The following EP300 variants were observed in gnomAD, a reference collection of about 807,000 sequenced individuals.
EP300 encodes histone acetyltransferase p300.
EP300 carries 31 observed loss-of-function variants against 264.0 expected under a neutral mutation model. The observed-to-expected ratio is 0.12, with a 90% CI of 0.09 to 0.16. The LOEUF (loss-of-function observed/expected upper bound fraction) is 0.16. Ranked by LOEUF, EP300 falls within the 10% of genes least tolerant of loss-of-function variation. The pLI is 1.00. For synonymous variants in EP300, 1,340 were observed against 1,045.4 expected, an observed-to-expected ratio of 1.28 and a Z score of -5.44; for missense variants, 2,766 against 3,052.9, an observed-to-expected ratio of 0.91 and a Z score of 2.21.
intron 22 of EP300, among the ~76,000 whole-genome samples, chr22:41,166,036 C>T (rs2059132202): frequency 6.6e-6 from 1 of 152,186 alleles, no homozygotes; most frequent in Admixed American, 6.5e-5. Context: ...CCACCCACCT[C>T]GACCTCCCAA....
rs1225633536 is a variant in EP300, at chr22:41,119,172, ATTATTTTTTTTTT to A, written c.729+1354_729+1366del. On this transcript the variant is annotated intron_variant, in intron 2 of 30. Transcript: ENST00000263253. Reference sequence around the variant, plus strand: ...CACATACCACCATGCCTGGCTTATTATTATTTTTTTTTTTTTTTTTTTTTTTTTTAAGAGATGG... The same window carrying A: ...CACATACCACCATGCCTGGCTTATTATTTTTTTTTTTTTTTTAAGAGATGG... Among the ~76,000 whole-genome samples, 14 of 107,218 alleles carry A rather than the reference ATTATTTTTTTTTT, an allele frequency of 1.3e-4. 3 individuals are homozygous for A. The South Asian group carries it at 2.7e-3, about 20-fold the overall frequency. 70.3% of individuals were successfully genotyped at this position (107,218 alleles called of 152,430 possible). A position where few individuals can be genotyped will look rare whatever the true frequency, so the allele number is the denominator to read the frequency against.
In EP300 at chr22:41,178,896, C is replaced by A; in HGVS notation, c.7185C>A (p.Leu2395=). ...LHGASATDLG[L]STDNSDLNSN... ...GTGCAAGCGCCACGGACCTGGGACT[C>A]AGCACCGATAACTCAGACTTGAATT... is the stretch of plus-strand genomic sequence containing the variant. The change falls in exon 31 of 31, where the codon CTC becomes CTA. Residue 2395 remains leucine, a synonymous_variant. Transcript: ENST00000263253. The A allele has an allele frequency of 6.2e-7, 1 of 1,614,220 alleles. No homozygotes were observed. The highest frequency in any genetic ancestry group is 8.5e-7 in the Non-Finnish European group (1 of 1,180,032).
chr22:41,169,581 C>A lies in EP300; in HGVS notation c.4251C>A (p.Ile1417=), dbSNP rs2145765258. The A allele has an allele frequency of 1.2e-6, 2 of 1,608,208 alleles. No homozygotes were observed. The highest frequency in any genetic ancestry group is 1.1e-5 in the South Asian group (1 of 90,940). ...TGAGGACTGCAGTCTATCATGAAAT[C>A]CTAATTGGATATTTAGAATATGTCA... is the stretch of plus-strand genomic sequence containing the variant. ...KCLRTAVYHE[I]LIGYLEYVKK... is the part of the protein sequence containing the mutation. Residue 1417 remains isoleucine (I), a synonymous_variant, in exon 26 of 31, where the codon ATC becomes ATA. Transcript: ENST00000263253.
chr22:41,095,721 G>T (rs1210060261), intron 1 of EP300, among the ~76,000 whole-genome samples: 1 of 151,962 alleles, frequency 6.6e-6, no homozygotes, highest in East Asian at 1.9e-4. Context: ...TATGGTTTTT[G>T]TCTAGAACTG....
In EP300 at chr22:41,178,603, C is replaced by T. The variant is rs2059218009; in HGVS notation, c.6892C>T (p.Gln2298Ter). ...CCAGTCCCCACACCTACAAGGCCAG[C>T]AGATCCCTAATTCTCTCTCCAATCA... ...QAQSPHLQGQ[Q>*]IPNSLSNQVR... Residue 2298 changes from glutamine (Q) to a stop codon, truncating the protein, a stop_gained, in exon 31 of 31, where the codon CAG (glutamine) becomes TAG (stop). Transcript: ENST00000263253. LOFTEE classifies it high-confidence loss of function. 6.2e-7 allele frequency: 1 copy of T among 1,614,102 alleles called. No individual in the cohort carries two copies. Among genetic ancestry groups the T allele is most frequent in the Non-Finnish European group, 8.5e-7 (1 of 1,180,020 alleles).
Position 41,117,519 on chromosome 22 carries a change from C to A in EP300, c.427C>A (p.Pro143Thr). ...SPNMGMGTSGPNQGPTQSTGM... is the reference protein window; with the variant it reads ...SPNMGMGTSGTNQGPTQSTGM... The stretch of plus-strand genomic sequence containing the variant: ...CAACATGGGGATGGGCACTAGTGGA[C>A]CAAATCAGGGTCCTACGCAGTCAAC... Residue 143 changes from proline (P) to threonine (T), a missense_variant, in exon 2 of 31, where the codon CCA becomes ACA. By Grantham distance (38) the Pro-to-Thr change is conservative (BLOSUM62 -1). Coordinates refer to ENST00000263253, the MANE Select transcript of EP300 (RefSeq NM_001429.4). 1 of 1,613,930 alleles carries A rather than the reference C, an allele frequency of 6.2e-7. No homozygotes were observed. The highest frequency in any genetic ancestry group is 1.1e-5 in the South Asian group (1 of 91,082).
At chr22:41,134,159 TTTTC>T (rs2058936225) in intron 6 of EP300, among the ~76,000 whole-genome samples, 1 of 121,836 alleles carries the variant, frequency 8.2e-6, no homozygotes, top group Admixed American at 1.1e-4. Flanking sequence ...GATTTCATTC[TTTTC>T]TTTTTTTTTT....
At position 41,178,113 on chromosome 22, in the gene EP300, T is replaced by G. The variant is rs773555512; in HGVS notation, c.6402T>G (p.Asn2134Lys). 6 of 1,613,928 alleles carry G rather than the reference T, an allele frequency of 3.7e-6. No homozygotes were observed. Among genetic ancestry groups the G allele is most frequent in the Non-Finnish European group, 5.1e-6 (6 of 1,179,952 alleles). ...CCAATCCAGCCATGCAGAACATGAA[T>G]CCAATGCAGGCGGGCGTTCAGAGGG... ...VHSNPAMQNM[N>K]PMQAGVQRAG... Residue 2134 changes from asparagine (N) to lysine (K), a missense_variant, in exon 31 of 31, where the codon AAT becomes AAG. By Grantham distance (94) the Asn-to-Lys change is moderately conservative (BLOSUM62 0). Coordinates refer to ENST00000263253, the MANE Select transcript of EP300 (RefSeq NM_001429.4).
intron 23 of EP300, among the ~76,000 whole-genome samples, chr22:41,167,819 T>G (rs867554978): frequency 7.9e-4 from 33 of 41,516 alleles, no homozygotes; most frequent in Admixed American, 4.1e-3. Context: ...TTTTTGTTTT[T>G]TTTTTTGTTT....
chr22:41,163,904 A>G lies in EP300; in HGVS notation c.3729-149A>G, dbSNP rs1012271301. On this transcript the variant is annotated intron_variant, in intron 21 of 30. Coordinates refer to ENST00000263253, the MANE Select transcript of EP300 (RefSeq NM_001429.4). ...CTCCAGCCTGTACAACAGAGACCCT[A>G]TCTCTAAAAAAATAGAAACTTTATT... is the stretch of plus-strand genomic sequence containing the variant. 1.8e-5 allele frequency: 14 copies of G among 760,094 alleles called. No individual in the cohort carries two copies. In the Admixed American group the frequency reaches 2.2e-4, roughly 12 times the overall value. The allele number at this position is 760,094 out of a possible 1,614,324, so 47.1% of individuals were successfully genotyped here.
At chr22:41,167,419 T>C (rs542592825) in intron 23 of EP300, among the ~76,000 whole-genome samples, 21 of 151,880 alleles carry the variant, frequency 1.4e-4, no homozygotes, top group Non-Finnish European at 2.8e-4. Context: ...AAATGTAGTA[T>C]TTGATTTAGT....
intron 2 of EP300, among the ~76,000 whole-genome samples, chr22:41,120,564 T>C (rs1269546671): frequency 6.6e-6 from 1 of 152,186 alleles, no homozygotes; most frequent in Non-Finnish European, 1.5e-5. Context: ...TGGATGAATC[T>C]GTGGTTCAGG....
chr22:41,179,036 ATCTT>A lies in EP300; in HGVS notation c.*83_*86del. ...TTTGTACTGAAAACAATTTTTTTGA[ATCTT>A]TCGTAGCCTAAAAGACAATTTTCCT... is the stretch of plus-strand genomic sequence containing the variant. On this transcript the variant is annotated 3_prime_UTR_variant, in exon 31 of 31. Transcript: ENST00000263253. 6.5e-7 allele frequency: 1 copy of A among 1,545,420 alleles called. No individual in the cohort carries two copies. The highest frequency in any genetic ancestry group is 8.8e-7 in the Non-Finnish European group (1 of 1,133,724).
chr22:41,150,292 C>A, intron 14 of EP300, 94 bp downstream of exon 14: 2 of 1,385,458 alleles, frequency 1.4e-6, no homozygotes, highest in Non-Finnish European at 2.0e-6. Flanking sequence ...TGCTTTATCT[C>A]TTACTGTTTT....
In EP300 at chr22:41,150,191, C is replaced by T. The variant is rs2145737962; in HGVS notation, c.2810C>T (p.Ala937Val). The T allele has an allele frequency of 1.2e-6, 2 of 1,606,002 alleles. No individual in the cohort carries two copies. Among genetic ancestry groups the T allele is most frequent in the Non-Finnish European group, 1.7e-6 (2 of 1,178,416 alleles). Residue 937 changes from alanine (A) to valine (V), a missense_variant, in exon 14 of 31, where the codon GCA (alanine) becomes GTA (valine). Coordinates refer to ENST00000263253, the MANE Select transcript of EP300 (RefSeq NM_001429.4). ...GCACCGCTGCTTCCTCCGCAGCCTG[C>T]AACTCCAGTAAGTAGAGATTTGGAT... Reference protein sequence around the residue: ...PTAPLLPPQPATPLSQPAVSI... With the variant: ...PTAPLLPPQPVTPLSQPAVSI...
chr22:41,141,685 CT>C lies in EP300; in HGVS notation c.2053+472del, dbSNP rs1241886217. Reference sequence around the variant, plus strand: ...GAACTCTTTTTTTTTTTTTCTTTTTCTTTTTTTTTGAGGCAGAGTCTCACTC... The same window carrying C: ...GAACTCTTTTTTTTTTTTTCTTTTTCTTTTTTTTGAGGCAGAGTCTCACTC... On this transcript the variant is annotated intron_variant, in intron 10 of 30. Transcript: ENST00000263253. Among the ~76,000 whole-genome samples, 298 of 131,342 alleles carry C rather than the reference CT, an allele frequency of 2.3e-3. 2 individuals carry two copies. The highest frequency in any genetic ancestry group is 3.1e-3 in the Non-Finnish European group (184 of 59,798). 86.2% of individuals were successfully genotyped at this position (131,342 alleles called of 152,430 possible). A position where few individuals can be genotyped will look rare whatever the true frequency, so the allele number is the denominator to read the frequency against.
chr22:41,137,856 T>G, intron 8 of EP300, 66 bp downstream of exon 8: 1 of 1,608,172 alleles, frequency 6.2e-7, no homozygotes, highest in Non-Finnish European at 8.5e-7. Context: ...TTCAATCTCC[T>G]GGGCATTTAA....
intron 10 of EP300, among the ~76,000 whole-genome samples, chr22:41,141,868 G>A (rs557900533): frequency 2.6e-5 from 4 of 152,032 alleles, no homozygotes; most frequent in African/African-American, 9.6e-5. Flanking sequence ...GTAGAGACAG[G>A]GTTTTGCCAT....
In EP300 at chr22:41,147,828, T is replaced by C. The variant is rs765267822; in HGVS notation, c.2132-9T>C. On this transcript the variant is annotated splice_polypyrimidine_tract_variant and intron_variant, in intron 11 of 30. Coordinates refer to ENST00000263253, the MANE Select transcript of EP300 (RefSeq NM_001429.4). ...GCATTCAGATCTAACATTTTGCTCA[T>C]ATTCACAGGTTTGAATCAATTTGGC... 2 of 1,597,446 alleles carry C rather than the reference T, an allele frequency of 1.3e-6. No homozygotes were observed. The highest frequency in any genetic ancestry group is 2.2e-5 in the South Asian group (2 of 90,756).
Sources: allele counts gnomAD v4.1 joint callset (sites outside exome capture counted in the v4.1 genomes callset), GRCh38; gene constraint gnomAD v4.1.1; transcripts MANE v1.5; gene names NCBI Gene and HGNC (gene_info 2026-07-23, HGNC 2026-07-21).